CYLD: variants seen among roughly 807,000 people sequenced by gnomAD.
CYLD encodes ubiquitin carboxyl-terminal hydrolase CYLD.
In CYLD, 26 loss-of-function variants were observed where a neutral mutation model predicts 104.5. The observed-to-expected ratio is 0.25, with a 90% confidence interval of 0.18 to 0.35. The LOEUF (loss-of-function observed/expected upper bound fraction) is 0.35. Among genes scored for constraint, CYLD ranks in the 10% least tolerant of loss-of-function variants. The pLI is 1.00. For synonymous variants in CYLD, 385 were observed against 399.9 expected, an observed-to-expected ratio of 0.96 and a Z score of 0.45; for missense variants, 703 against 1,136.1, an observed-to-expected ratio of 0.62 and a Z score of 5.48.
Position 50,765,716 on chromosome 16 carries a change from A to G in CYLD, c.914-9450A>G, listed in dbSNP as rs927817596. Among the ~76,000 whole-genome samples, 5 of 152,214 alleles carry G rather than the reference A, an allele frequency of 3.3e-5. No homozygotes were observed. The East Asian group carries it at 7.7e-4, about 23-fold the overall frequency. ...TTAAAAGTGCTACTTTAGTGAACAC[A>G]TGAATGATAAAAAAGCAAAACAGCC... is the stretch of plus-strand genomic sequence containing the variant. On this transcript the variant is annotated intron_variant, in intron 5 of 18. Transcript: ENST00000427738.
intron 5 of CYLD, among the ~76,000 whole-genome samples, chr16:50,758,358 G>A (rs1449256378): frequency 1.3e-5 from 2 of 152,152 alleles, no homozygotes; most frequent in Non-Finnish European, 2.9e-5. Flanking sequence ...TGTAGGAGCC[G>A]CAGTGGGAGC....
At chr16:50,782,916 A>AT (rs386384680) in intron 11 of CYLD, among the ~76,000 whole-genome samples, 3,699 of 87,670 alleles carry the variant, frequency 0.042, 550 homozygotes, top group East Asian at 0.13. Context: ...ACAACTTAAG[A>AT]TTTTTTTTTT....
chr16:50,792,747 GA>G, intron 16 of CYLD, 42 bp downstream of exon 16: 1 of 1,046,200 alleles, frequency 9.6e-7, no homozygotes, highest in African/African-American at 1.6e-5. Context: ...TGGTTTTGTG[GA>G]AATTGTCAGA....
At chr16:50,742,434 A>T in intron 1 of CYLD, 1 of 199,554 alleles carries the variant, frequency 5.0e-6, no homozygotes, top group Non-Finnish European at 1.0e-5. Context: ...CCATCCCCCG[A>T]GGCTTCCCGG....
intron 5 of CYLD, among the ~76,000 whole-genome samples, chr16:50,769,598 G>C (rs72796384): frequency 0.015 from 2,314 of 152,280 alleles, 32 homozygotes; most frequent in Non-Finnish European, 0.023. Context: ...CAGCATTTCA[G>C]ATTATTATAG....
rs1972301631 is a variant in CYLD, at chr16:50,799,329, G to GA, written c.*2822dup. On this transcript the variant is annotated 3_prime_UTR_variant, in exon 19 of 19. Coordinates refer to ENST00000427738, the MANE Select transcript of CYLD (RefSeq NM_001378743.1). ...TGTATATATGTATGTGGCGGAGAGG[G>GA]AGAGAGTGGGGAAGGAGAGCAGTGT... 1 of 233,372 alleles carries GA rather than the reference G, an allele frequency of 4.3e-6. No homozygotes were observed. The highest frequency in any genetic ancestry group is 2.2e-5 in the African/African-American group (1 of 45,304). 14.5% of individuals were successfully genotyped at this position (233,372 alleles called of 1,614,324 possible). A position where few individuals can be genotyped will look rare whatever the true frequency, so the allele number is the denominator to read the frequency against.
intron 11 of CYLD, among the ~76,000 whole-genome samples, chr16:50,783,074 A>G (rs1440952216): frequency 6.6e-6 from 1 of 151,790 alleles, no homozygotes; most frequent in Non-Finnish European, 1.5e-5. Context: ...ACAGGTGTGA[A>G]CCACCACTTC....
Position 50,780,002 on chromosome 16 carries a change from T to G in CYLD, c.1476T>G (p.Gly492=). 1 of 1,614,162 alleles carries G rather than the reference T, an allele frequency of 6.2e-7. No homozygotes were observed. The highest frequency in any genetic ancestry group is 8.5e-7 in the Non-Finnish European group (1 of 1,179,992). The part of the protein sequence containing the change: ...PPFYGVIRWI[G]QPPGLNEVLA... ...TCTATGGGGTAATCCGTTGGATCGG[T>G]CAGCCACCAGGACTGAATGAAGTGC... is the stretch of plus-strand genomic sequence containing the variant. Residue 492 remains glycine (G), a synonymous_variant, in exon 9 of 19, where the codon GGT becomes GGG. Coordinates refer to ENST00000427738, the MANE Select transcript of CYLD (RefSeq NM_001378743.1).
At chr16:50,795,205 A>G (rs1015723159) in intron 18 of CYLD, among the ~76,000 whole-genome samples, 1 of 152,174 alleles carries the variant, frequency 6.6e-6, no homozygotes, top group Non-Finnish European at 1.5e-5. Flanking sequence ...ATCTCAGTGC[A>G]TATGTTTTTT....
Position 50,794,157 on chromosome 16 carries a change from AC to A in CYLD, c.2470-53del. The A allele has an allele frequency of 6.7e-7, 1 of 1,497,008 alleles. No homozygotes were observed. The allele number at this position is 1,497,008 out of a possible 1,614,324, so 92.7% of individuals were successfully genotyped here. ...TGATCAGGCTGGTCTTGAACTCCTGACCTCGTGATCCACCAGCCTCGGCCTA... is the reference window on the plus strand; with the variant it reads ...TGATCAGGCTGGTCTTGAACTCCTGACTCGTGATCCACCAGCCTCGGCCTA... On this transcript the variant is annotated intron_variant, in intron 17 of 18. Transcript: ENST00000427738. This position sits in a 1 kb window ranked among gnomAD's most constrained non-coding sequence, Gnocchi z 4.1.
Position 50,794,870 on chromosome 16 carries a change from C to T in CYLD, c.2686+442C>T, listed in dbSNP as rs1034571098. The T allele has an allele frequency of 4.1e-6, 1 of 241,510 alleles. No homozygotes were observed. Among genetic ancestry groups the T allele is most frequent in the Non-Finnish European group, 8.2e-6 (1 of 121,602 alleles). The allele number at this position is 241,510 out of a possible 1,614,324, so 15.0% of individuals were successfully genotyped here. A position where few individuals can be genotyped will look rare whatever the true frequency, so the allele number is the denominator to read the frequency against. ...TCCTGGCCTCAAGTGATTAACCCTC[C>T]TTTTCCTCTCGATGTGCTGGGATTA... On this transcript the variant is annotated intron_variant, in intron 18 of 18. Coordinates refer to ENST00000427738, the MANE Select transcript of CYLD (RefSeq NM_001378743.1). The surrounding 1 kb of genome is among the most constrained non-coding windows in gnomAD (Gnocchi z 4.1).
chr16:50,778,084 G>A (rs1969866677), intron 8 of CYLD, 143 bp downstream of exon 8: 1 of 630,394 alleles, frequency 1.6e-6, no homozygotes, highest in Admixed American at 2.7e-5. Flanking sequence ...CTAAAATATT[G>A]TACACAGTTT....
Position 50,798,675 on chromosome 16 carries a change from A to G in CYLD, c.*2167A>G, listed in dbSNP as rs1597103768. On this transcript the variant is annotated 3_prime_UTR_variant, in exon 19 of 19. Transcript: ENST00000427738. The stretch of plus-strand genomic sequence containing the variant: ...TTTCCTGTAGAAATTAAAACAAAAT[A>G]CAAATTGAGGAAGCTCTGCTACCCA... 4 of 233,148 alleles carry G rather than the reference A, an allele frequency of 1.7e-5. No homozygotes were observed. Among genetic ancestry groups the G allele is most frequent in the Non-Finnish European group, 1.7e-5 (2 of 118,034 alleles). 14.4% of individuals were successfully genotyped at this position (233,148 alleles called of 1,614,324 possible).
intron 14 of CYLD, 58 bp downstream of exon 14, chr16:50,787,910 C>A: frequency 1.0e-6 from 1 of 986,508 alleles, no homozygotes; most frequent in Non-Finnish European, 1.6e-6. Flanking sequence ...ATTTCTACTG[C>A]CATTATTCAA....
chr16:50,746,341 A>G (rs1237403468), intron 2 of CYLD, among the ~76,000 whole-genome samples: 1 of 152,204 alleles, frequency 6.6e-6, no homozygotes, highest in Non-Finnish European at 1.5e-5. Context: ...CCTGGCCGAG[A>G]ATATTAGTGA....
chr16:50,749,952 A>T lies in CYLD; in HGVS notation c.254A>T (p.Asp85Val). 6.2e-7 allele frequency: 1 copy of T among 1,614,158 alleles called. No homozygotes were observed. The highest frequency in any genetic ancestry group is 1.3e-5 in the African/African-American group (1 of 75,058). The change falls in exon 3 of 19, where the codon GAT becomes GTT. Residue 85 changes from aspartate (D) to valine (V), a missense_variant. Physicochemically the swap from Asp to Val is radical, Grantham distance 152 (BLOSUM62 -3). Around this residue, in one of 5 missense-constraint regions of CYLD, gnomAD observed 142 missense variants for 165.1 expected, o/e 0.86. Transcript: ENST00000427738. ...CAACCTCATGCAGTTCTCTTTGTTG[A>T]TGAAAAGGATGTTGTAGAGATAAAT... ...LEQPHAVLFV[D>V]EKDVVEINEK...
rs147451156 is a variant in CYLD, at chr16:50,781,540, CA to C, written c.1684+130del. On this transcript the variant is annotated intron_variant, in intron 10 of 18. Coordinates refer to ENST00000427738, the MANE Select transcript of CYLD (RefSeq NM_001378743.1). ...TGCCAACGCTCATTAAGCTTTAAATCAGTAAAAATGTTGCATGGTGTATAAG... is the reference window on the plus strand; with the variant it reads ...TGCCAACGCTCATTAAGCTTTAAATCGTAAAAATGTTGCATGGTGTATAAG... 1.6e-4 allele frequency: 191 copies of C among 1,198,074 alleles called. 1 individual carries two copies. In the East Asian group the frequency reaches 4.3e-3, roughly 27 times the overall value. 74.2% of individuals were successfully genotyped at this position (1,198,074 alleles called of 1,614,324 possible). A position where few individuals can be genotyped will look rare whatever the true frequency, so the allele number is the denominator to read the frequency against.
chr16:50,782,916 A>ATTTTTT (rs386384680), intron 11 of CYLD, among the ~76,000 whole-genome samples: 8 of 87,718 alleles, frequency 9.1e-5, no homozygotes, highest in Non-Finnish European at 1.3e-4. Flanking sequence ...ACAACTTAAG[A>ATTTTTT]TTTTTTTTTT....
intron 9 of CYLD, among the ~76,000 whole-genome samples, chr16:50,780,951 G>C (rs948873176): frequency 2.0e-5 from 3 of 151,948 alleles, no homozygotes; most frequent in Non-Finnish European, 4.4e-5. Context: ...CTGTTTTAAT[G>C]CTTGTAGAAA....
Sources: gnomAD v4.1 joint callset for allele counts (sites outside exome capture counted in the v4.1 genomes callset) on GRCh38, gnomAD v4.1.1 for gene constraint, gnomAD v4.1.1 regional missense constraint, Gnocchi (gnomAD v3.1) non-coding constraint, MANE v1.5 for transcripts, NCBI Gene and HGNC (gene_info 2026-07-23, HGNC 2026-07-21) for gene names.